Variants in KIN observed in about 807,000 individuals in gnomAD.
The protein encoded by KIN is DNA/RNA-binding protein KIN17.
A neutral mutation model predicts 63.0 loss-of-function variants in KIN; 47 were observed. The observed-to-expected ratio is 0.75, with a 90% confidence interval of 0.59 to 0.95. KIN has a LOEUF of 0.95. KIN is among the 40% of genes least tolerant of loss of function. The pLI, the probability that KIN is intolerant of heterozygous loss-of-function variation, is 0.00. For missense variants in KIN, 408 were observed against 460.9 expected (o/e 0.89, Z 1.05); for synonymous variants, 160 against 157.7 (o/e 1.01, Z -0.11).
intron 11 of KIN, among the ~76,000 whole-genome samples, chr10:7,762,219 GAA>G (rs201671529): frequency 5.9e-5 from 8 of 135,194 alleles, no homozygotes; most frequent in African/African-American, 5.4e-5. Context: ...TTTGCTTCAG[GAA>G]AAAAAAAAAA....
chr10:7,774,466 T>C (rs571891064), intron 7 of KIN, among the ~76,000 whole-genome samples: 1 of 152,072 alleles, frequency 6.6e-6, no homozygotes. Context: ...ATGTGAAACA[T>C]ATAATCAAAA....
chr10:7,763,026 C>G (rs1835467832), intron 10 of KIN, among the ~76,000 whole-genome samples: 1 of 152,162 alleles, frequency 6.6e-6, no homozygotes, highest in African/African-American at 2.4e-5. Context: ...GAGGCTGAGG[C>G]AGGTAGATCA....
At chr10:7,773,125 G>A (rs915259033) in intron 7 of KIN, among the ~76,000 whole-genome samples, 8 of 152,222 alleles carry the variant, frequency 5.3e-5, no homozygotes, top group Non-Finnish European at 1.2e-4. Context: ...AGTAACGCCT[G>A]CGGCCAACAG....
Position 7,763,749 on chromosome 10 carries a change from A to G in KIN, c.892T>C (p.Tyr298His). Residue 298 changes from tyrosine (Y) to histidine (H), a missense_variant, in exon 10 of 13, where the codon TAT becomes CAT. Tyr to His is a moderately conservative substitution (Grantham distance 83, BLOSUM62 2). Transcript: ENST00000379562. ...KIITKKLGEK[Y>H]HKKKAIVKEV... ...TTAACAATAGCCTTTTTCTTATGAT[A>G]TTTCTCTCCCAGTTTCTTGGTTATA... 1 of 1,476,632 alleles carries G rather than the reference A, an allele frequency of 6.8e-7. No homozygotes were observed. The highest frequency in any genetic ancestry group is 9.3e-7 in the Non-Finnish European group (1 of 1,069,854). The allele number at this position is 1,476,632 out of a possible 1,614,324, so 91.5% of individuals were successfully genotyped here.
At position 7,780,131 on chromosome 10, in the gene KIN, G is replaced by A; in HGVS notation, c.301C>T (p.His101Tyr). 1.2e-6 allele frequency: 2 copies of A among 1,613,740 alleles called. No homozygotes were observed. Among genetic ancestry groups the A allele is most frequent in the Non-Finnish European group, 1.7e-6 (2 of 1,179,878 alleles). Residue 101 changes from histidine to tyrosine, a missense_variant, in exon 4 of 13, where the codon CAC becomes TAC. This residue lies in a region of KIN where 110 missense variants were observed against 164.9 expected (regional missense o/e 0.67). Transcript: ENST00000379562. Reference sequence around the variant, plus strand: ...GCATTCATGTGGATGTGCTCTCGGTGGCTGATGTATTCGTTGTAGACAATG... The same window carrying A: ...GCATTCATGTGGATGTGCTCTCGGTAGCTGATGTATTCGTTGTAGACAATG... ...NNIVYNEYIS[H>Y]REHIHMNATQ...
rs566533751 is a variant in KIN, at chr10:7,783,231, A to C, written c.115-56T>G. On this transcript the variant is annotated intron_variant, in intron 1 of 12. Transcript: ENST00000379562. ...ATTTAGGTCATCAAAATGGGCTCTA[A>C]ATAGAAGTATTTAGTTAAAACCCAA... The C allele has an allele frequency of 1.7e-4, 163 of 932,760 alleles. 2 individuals carry two copies. The East Asian group carries it at 4.4e-3, about 25-fold the overall frequency. 57.8% of individuals were successfully genotyped at this position (932,760 alleles called of 1,614,324 possible).
rs148304023 is a variant in KIN, at chr10:7,783,601, A to G, written c.115-426T>C. ...AAACTACTTTCGCTCACTTTCCTCT[A>G]CTTCAGCTCATTATCCAAAATACAT... On this transcript the variant is annotated intron_variant, in intron 1 of 12. Coordinates refer to ENST00000379562, the MANE Select transcript of KIN (RefSeq NM_012311.4). Among the ~76,000 whole-genome samples, 3 of 152,340 alleles carry G rather than the reference A, an allele frequency of 2.0e-5. No homozygotes were observed. The East Asian group carries it at 5.8e-4, about 29-fold the overall frequency.
rs891189402 is a variant in KIN, at chr10:7,752,712, T to G, written c.*3368A>C. ...CATAAACTGTGGTGCATTCAGACAA[T>G]AGAATATGCAGTGCTAAAATGAAGT... On this transcript the variant is annotated 3_prime_UTR_variant, in exon 13 of 13. Coordinates refer to ENST00000379562, the MANE Select transcript of KIN (RefSeq NM_012311.4). 6.6e-6 allele frequency: 1 copy of G among 152,130 alleles called. No individual in the cohort carries two copies. The highest frequency in any genetic ancestry group is 1.5e-5 in the Non-Finnish European group (1 of 68,022). 9.4% of individuals were successfully genotyped at this position (152,130 alleles called of 1,614,324 possible).
chr10:7,765,745 C>T (rs557899058), intron 9 of KIN, among the ~76,000 whole-genome samples: 1 of 152,274 alleles, frequency 6.6e-6, no homozygotes, highest in South Asian at 2.1e-4. Context: ...GAACTCATTT[C>T]TGAAAACATA....
intron 7 of KIN, among the ~76,000 whole-genome samples, chr10:7,773,207 C>T (rs1483006161): frequency 6.6e-6 from 1 of 152,190 alleles, no homozygotes; most frequent in Non-Finnish European, 1.5e-5. Context: ...CAGCAGGCTC[C>T]TTGATTTCAA....
At chr10:7,758,881 TAG>T in intron 12 of KIN, among the ~76,000 whole-genome samples, 1 of 152,074 alleles carries the variant, frequency 6.6e-6, no homozygotes, top group Non-Finnish European at 1.5e-5. Flanking sequence ...TAGTTTACGT[TAG>T]TAACAGTTAG....
At chr10:7,780,455 T>G (rs7898584) in intron 2 of KIN, 148 bp from the exon 3 acceptor site, 1 of 613,598 alleles carries the variant, frequency 1.6e-6, no homozygotes, top group East Asian at 2.8e-5. Flanking sequence ...AGTGCAATAG[T>G]GTGATCTCAG....
intron 8 of KIN, among the ~76,000 whole-genome samples, chr10:7,768,592 G>A (rs954824366): frequency 1.6e-4 from 25 of 151,992 alleles, no homozygotes; most frequent in African/African-American, 5.3e-4. Flanking sequence ...GGTGCTAAGC[G>A]GAAGTCAAAG....
In KIN at chr10:7,762,553, C is replaced by G. The variant is rs1291642813; in HGVS notation, c.922G>C (p.Val308Leu). The change falls in exon 11 of 13, where the codon GTA (valine) becomes CTA (leucine). Residue 308 changes from valine (V) to leucine (L), a missense_variant. Val to Leu is a conservative substitution (Grantham distance 32). Transcript: ENST00000379562. ...ACAACAGCTGTATATTTGTCAATTA[C>G]TTCCTGTCATGTAAAATGAACACTT... is the stretch of plus-strand genomic sequence containing the variant. ...YHKKKAIVKEVIDKYTAVVKM... is the reference protein window; with the variant it reads ...YHKKKAIVKELIDKYTAVVKM... The G allele has an allele frequency of 6.3e-7, 1 of 1,587,170 alleles. No homozygotes were observed. The highest frequency in any genetic ancestry group is 8.6e-7 in the Non-Finnish European group (1 of 1,158,630).
intron 1 of KIN, among the ~76,000 whole-genome samples, chr10:7,784,596 A>C (rs916425271): frequency 1.6e-4 from 24 of 152,334 alleles, no homozygotes; most frequent in African/African-American, 5.8e-4. Context: ...AAAAACAAAA[A>C]AAAATAAGTT....
At chr10:7,776,310 G>A (rs1294548997) in intron 5 of KIN, among the ~76,000 whole-genome samples, 1 of 148,386 alleles carries the variant, frequency 6.7e-6, no homozygotes. Context: ...CGAGGCCAAG[G>A]CAGGTGGATC....
At chr10:7,780,345 TACAA>T in intron 2 of KIN, 38 bp from the exon 3 acceptor site, 1 of 1,500,974 alleles carries the variant, frequency 6.7e-7, no homozygotes. Context: ...AGGTAATTTC[TACAA>T]ACATATAGCA....
chr10:7,774,916 T>C (rs1198525199), intron 6 of KIN, 25 bp from the exon 7 acceptor site: 5 of 1,530,600 alleles, frequency 3.3e-6, no homozygotes, highest in African/African-American at 2.7e-5. Context: ...TGTTATTCCA[T>C]ACATACATTT....
Position 7,766,097 on chromosome 10 carries a change from C to G in KIN, c.805G>C (p.Glu269Gln). The G allele has an allele frequency of 6.2e-7, 1 of 1,607,698 alleles. No individual in the cohort carries two copies. The highest frequency in any genetic ancestry group is 1.1e-5 in the South Asian group (1 of 90,568). ...GTTCGGGCAGTTCTTTTCTTTTCCT[C>G]TTCAATCTGTAGAACACATAATGTC... ...SALDEIMEIE[E>Q]EKKRTARTDY... Residue 269 changes from glutamate (E) to glutamine (Q), a missense_variant, in exon 9 of 13, where the codon GAG becomes CAG. This residue lies in a region of KIN where 298 missense variants were observed against 296.0 expected (regional missense o/e 1.01). Transcript: ENST00000379562.
Sources: allele counts gnomAD v4.1 joint callset (sites outside exome capture counted in the v4.1 genomes callset), GRCh38; gene constraint gnomAD v4.1.1; regional missense constraint gnomAD v4.1.1; transcripts MANE v1.5; gene names NCBI Gene and HGNC (gene_info 2026-07-23, HGNC 2026-07-21).